The following LINGO2 variants were observed in gnomAD, a reference collection of about 807,000 sequenced individuals.
The protein encoded by LINGO2 is leucine rich repeat and Ig domain containing 2, also known as leucine-rich repeat and immunoglobulin-like domain-containing nogo receptor-interacting protein 2.
Under a neutral mutation model 30.6 loss-of-function variants are expected in LINGO2, and 14 were observed. That is an observed-to-expected ratio of 0.46 (90% confidence interval 0.30 to 0.72). The LOEUF (loss-of-function observed/expected upper bound fraction) is 0.72. LINGO2 is among the 30% of genes least tolerant of loss of function. The pLI, the probability that LINGO2 is intolerant of heterozygous loss-of-function variation, is 0.07. For missense variants in LINGO2, 729 were observed against 751.7 expected, an observed-to-expected ratio of 0.97 and a Z score of 0.35; for synonymous variants, 317 against 288.5, an observed-to-expected ratio of 1.10 and a Z score of -1.00.
the LINGO2 span, among the ~76,000 whole-genome samples, chr9:28,918,544 G>C: frequency 6.6e-6 from 1 of 152,106 alleles, no homozygotes. Flanking sequence ...AGCCATTTGT[G>C]ACCCATCAAT....
At chr9:28,243,047 T>A (rs937961120) in intron 4 of LINGO2, among the ~76,000 whole-genome samples, 8 of 152,110 alleles carry the variant, frequency 5.3e-5, no homozygotes, top group African/African-American at 1.9e-4. Context: ...ATTGACATCA[T>A]GAAGAAACAG....
intron 4 of LINGO2, among the ~76,000 whole-genome samples, chr9:28,260,208 A>G (rs1026882259): frequency 6.6e-6 from 1 of 151,786 alleles, no homozygotes; most frequent in African/African-American, 2.4e-5. Context: ...AGGATACTAT[A>G]CTACTCAAAG....
At chr9:29,164,816 A>T in the LINGO2 span, among the ~76,000 whole-genome samples, 4 of 152,118 alleles carry the variant, frequency 2.6e-5, no homozygotes, top group African/African-American at 9.7e-5. Context: ...AGATTCCATA[A>T]TTATCTTATT....
chr9:29,088,781 G>T, the LINGO2 span, among the ~76,000 whole-genome samples: 8 of 151,914 alleles, frequency 5.3e-5, no homozygotes, highest in African/African-American at 7.3e-5. Context: ...TTTGGAATAC[G>T]CAATGCTCAC....
the LINGO2 span, among the ~76,000 whole-genome samples, chr9:28,843,753 C>G: frequency 6.6e-6 from 1 of 151,744 alleles, no homozygotes; most frequent in African/African-American, 2.4e-5. Context: ...CCTTTGTTAT[C>G]ATTGTATTCA....
chr9:28,324,321 C>T (rs936238790), intron 3 of LINGO2, among the ~76,000 whole-genome samples: 2 of 151,980 alleles, frequency 1.3e-5, no homozygotes, highest in Admixed American at 6.5e-5. Context: ...TTTCGGTAAT[C>T]GGTTTTTACT....
chr9:28,971,201 A>G, the LINGO2 span, among the ~76,000 whole-genome samples: 3 of 152,202 alleles, frequency 2.0e-5, no homozygotes, highest in African/African-American at 7.2e-5. Context: ...CTGCTAAGTG[A>G]AGACCCTTGG....
At chr9:28,877,175 C>T in the LINGO2 span, among the ~76,000 whole-genome samples, 2 of 150,482 alleles carry the variant, frequency 1.3e-5, no homozygotes, top group African/African-American at 2.5e-5. Flanking sequence ...GAGTAGGTTG[C>T]AAAAATTTTC....
At chr9:28,740,985 G>C in the LINGO2 span, among the ~76,000 whole-genome samples, 2 of 151,942 alleles carry the variant, frequency 1.3e-5, no homozygotes, top group Non-Finnish European at 2.9e-5. Flanking sequence ...CAGGGGCATG[G>C]CCAGGTGCTG....
the LINGO2 span, among the ~76,000 whole-genome samples, chr9:28,892,128 A>T: frequency 6.6e-6 from 1 of 151,894 alleles, no homozygotes; most frequent in Non-Finnish European, 1.5e-5. Flanking sequence ...ATAGGTGGAG[A>T]TAAATCTGAA....
chr9:29,198,827 T>C, the LINGO2 span, among the ~76,000 whole-genome samples: 1 of 152,080 alleles, frequency 6.6e-6, no homozygotes. Flanking sequence ...AATCCCAACA[T>C]AGGGGATGAA....
chr9:28,198,178 C>T (rs1820083802), intron 4 of LINGO2, among the ~76,000 whole-genome samples: 1 of 148,996 alleles, frequency 6.7e-6, no homozygotes, highest in Non-Finnish European at 1.5e-5. Flanking sequence ...ACTAAATGTC[C>T]ATCAATAAGT....
intron 2 of LINGO2, among the ~76,000 whole-genome samples, chr9:28,428,161 A>T (rs1325772303): frequency 6.6e-6 from 1 of 152,132 alleles, no homozygotes; most frequent in Non-Finnish European, 1.5e-5. Flanking sequence ...ATCACTCCTT[A>T]ATTTAAAATG....
intron 4 of LINGO2, among the ~76,000 whole-genome samples, chr9:28,152,798 T>C (rs139661227): frequency 2.0e-4 from 30 of 152,252 alleles, no homozygotes; most frequent in African/African-American, 6.5e-4. Flanking sequence ...TTTTTGAAAC[T>C]TGGGGACAGA....
At chr9:28,045,807 T>C (rs1824394096) in intron 4 of LINGO2, among the ~76,000 whole-genome samples, 1 of 152,132 alleles carries the variant, frequency 6.6e-6, no homozygotes, top group Non-Finnish European at 1.5e-5. Flanking sequence ...TGGAGAGACA[T>C]ATGGGTAAGC....
chr9:29,154,311 G>A, the LINGO2 span, among the ~76,000 whole-genome samples: 1,061 of 151,944 alleles, frequency 7.0e-3, 15 homozygotes, highest in African/African-American at 0.023. Flanking sequence ...TTAGCCGGGC[G>A]TGGTGGCGGG....
At chr9:28,611,516 C>T (rs1011661698) in intron 1 of LINGO2, among the ~76,000 whole-genome samples, 1 of 152,080 alleles carries the variant, frequency 6.6e-6, no homozygotes, top group African/African-American at 2.4e-5. Context: ...AACTTCTTTA[C>T]CTTTTGAGAA....
chr9:28,778,202 T>C, the LINGO2 span, among the ~76,000 whole-genome samples: 12,588 of 152,272 alleles, frequency 0.083, 1,700 homozygotes, highest in African/African-American at 0.28. Context: ...ACTAATAGTA[T>C]ATTTCCATGT....
At chr9:28,084,004 G>A (rs930313075) in intron 4 of LINGO2, among the ~76,000 whole-genome samples, 1 of 152,098 alleles carries the variant, frequency 6.6e-6, no homozygotes, top group Non-Finnish European at 1.5e-5. Context: ...ATTTTACTGT[G>A]TTTTGCATAT....
Sources: allele counts gnomAD v4.1 joint callset (sites outside exome capture counted in the v4.1 genomes callset), GRCh38; gene constraint gnomAD v4.1.1; transcripts MANE v1.5; gene names NCBI Gene and HGNC (gene_info 2026-07-23, HGNC 2026-07-21).